Variants in TLK2 observed in about 807,000 individuals in gnomAD.
The protein encoded by TLK2 is tousled like kinase 2, also known as serine/threonine-protein kinase tousled-like 2.
In TLK2, 6 loss-of-function variants were observed where a neutral mutation model predicts 117.3. The observed-to-expected ratio is 0.05, with a 90% CI of 0.03 to 0.10. The LOEUF is 0.10. TLK2 is among the 10% of genes least tolerant of loss of function. The pLI is 1.00. For missense variants in TLK2, 299 were observed against 901.2 expected, an observed-to-expected ratio of 0.33 and a Z score of 8.56; for synonymous variants, 257 against 316.7, an observed-to-expected ratio of 0.81 and a Z score of 2.00.
intron 2 of TLK2, chr17:62,516,880 A>C: frequency 1.5e-6 from 1 of 686,278 alleles, no homozygotes. Flanking sequence ...TCCAACTTTC[A>C]TTTCATTTGC....
chr17:62,515,468 C>T (rs1317445919), intron 2 of TLK2, among the ~76,000 whole-genome samples: 1 of 152,196 alleles, frequency 6.6e-6, no homozygotes, highest in Non-Finnish European at 1.5e-5. Flanking sequence ...TACTCCAGAT[C>T]CTCACTAATA....
At chr17:62,563,759 ATTC>A (rs1417200042) in intron 10 of TLK2, among the ~76,000 whole-genome samples, 1 of 152,214 alleles carries the variant, frequency 6.6e-6, no homozygotes, top group African/African-American at 2.4e-5. Flanking sequence ...TATACTTAAC[ATTC>A]TTACAGTTCA....
In TLK2 at chr17:62,606,142, A is replaced by G. The variant is rs8078132; in HGVS notation, c.1872A>G (p.Pro624=). ...QGAGTYWYLP[P]ECFVVGKEPP... ...TTTTTTGTCCCAGGTATTTACCACCAGAGTGTTTTGTGGTTGGGAAAGAAC... is the reference window on the plus strand; with the variant it reads ...TTTTTTGTCCCAGGTATTTACCACCGGAGTGTTTTGTGGTTGGGAAAGAAC... The change falls in exon 20 of 22, where the codon CCA becomes CCG. Residue 624 remains proline (P), a synonymous_variant. Transcript: ENST00000346027. 0.59 allele frequency: 890,697 copies of G among 1,521,476 alleles called. 268,262 individuals are homozygous for G. Among genetic ancestry groups the G allele is most frequent in the East Asian group, 0.81 (34,926 of 43,264 alleles). 94.2% of individuals were successfully genotyped at this position (1,521,476 alleles called of 1,614,324 possible).
intron 2 of TLK2, chr17:62,516,795 G>A (rs1202186029): frequency 1.4e-6 from 2 of 1,385,200 alleles, no homozygotes; most frequent in Non-Finnish European, 2.0e-6. Flanking sequence ...CCGGGGCCGG[G>A]GCTGGAAAGC....
chr17:62,506,278 G>A (rs1354332769), intron 2 of TLK2, among the ~76,000 whole-genome samples: 4 of 152,212 alleles, frequency 2.6e-5, no homozygotes, highest in African/African-American at 7.2e-5. Flanking sequence ...GTGCTAGGAC[G>A]TGTGTGTATG....
chr17:62,583,672 G>A (rs1598748460), intron 15 of TLK2, among the ~76,000 whole-genome samples: 1 of 152,096 alleles, frequency 6.6e-6, no homozygotes, highest in Non-Finnish European at 1.5e-5. Flanking sequence ...CTGCCTCCCG[G>A]GTTCAAGTGA....
intron 8 of TLK2, chr17:62,553,431 C>G: frequency 2.2e-6 from 1 of 463,210 alleles, no homozygotes; most frequent in Non-Finnish European, 4.0e-6. Context: ...ACATTTGATT[C>G]CAGAATTAAC....
At chr17:62,546,391 A>T in intron 7 of TLK2, among the ~76,000 whole-genome samples, 1 of 76,498 alleles carries the variant, frequency 1.3e-5, no homozygotes, top group Non-Finnish European at 2.6e-5. Flanking sequence ...TATTTCAGAG[A>T]AATTTTGTTT....
chr17:62,478,290 C>G (rs2071157132), upstream of TLK2, among the ~76,000 whole-genome samples: 1 of 151,506 alleles, frequency 6.6e-6, no homozygotes, highest in East Asian at 2.0e-4. Flanking sequence ...AAAGCCGCCG[C>G]ACTTCTCACC....
chr17:62,525,380 CAT>C (rs1352528664), intron 6 of TLK2, among the ~76,000 whole-genome samples: 3 of 151,872 alleles, frequency 2.0e-5, no homozygotes, highest in African/African-American at 7.3e-5. Context: ...CTTATGAAAA[CAT>C]AAGTTAAACT....
intron 2 of TLK2, among the ~76,000 whole-genome samples, chr17:62,516,032 C>T (rs1400206406): frequency 1.3e-5 from 2 of 152,040 alleles, no homozygotes; most frequent in Admixed American, 1.3e-4. Flanking sequence ...TCAAGTGATT[C>T]TCCTGCCTCA....
chr17:62,519,006 T>TC (rs1490507382), intron 2 of TLK2, among the ~76,000 whole-genome samples: 1 of 152,174 alleles, frequency 6.6e-6, no homozygotes, highest in Non-Finnish European at 1.5e-5. Flanking sequence ...CACCTCAGCC[T>TC]CCAAGTAGCT....
intron 7 of TLK2, among the ~76,000 whole-genome samples, chr17:62,541,588 A>G (rs377688890): frequency 8.3e-4 from 121 of 146,542 alleles, no homozygotes; most frequent in African/African-American, 9.8e-4. Context: ...ACATAATTCT[A>G]TGTTTTAACA....
intron 16 of TLK2, among the ~76,000 whole-genome samples, chr17:62,591,003 G>C (rs2082036127): frequency 6.6e-6 from 1 of 152,224 alleles, no homozygotes; most frequent in South Asian, 2.1e-4. Context: ...TGTGATCCCA[G>C]CACTTTGGGA....
chr17:62,573,399 A>G, intron 12 of TLK2, 32 bp downstream of exon 12: 1 of 1,602,074 alleles, frequency 6.2e-7, no homozygotes, highest in Non-Finnish European at 8.5e-7. Context: ...ACGCTGAGAC[A>G]CCACACCCTG....
At chr17:62,474,787 A>G (rs1046339306), upstream of TLK2, among the ~76,000 whole-genome samples, 71 of 150,664 alleles carry the variant, frequency 4.7e-4, no homozygotes, top group Non-Finnish European at 6.8e-4. Flanking sequence ...CGGCCTCCCA[A>G]TGTGCTGGGA....
At chr17:62,575,405 T>C (rs1354742824) in intron 12 of TLK2, among the ~76,000 whole-genome samples, 1 of 152,220 alleles carries the variant, frequency 6.6e-6, no homozygotes, top group East Asian at 1.9e-4. Context: ...GAGTAATAGA[T>C]ACAGGTATTT....
At chr17:62,551,716 A>T (rs2078478302) in intron 7 of TLK2, 1 of 152,680 alleles carries the variant, frequency 6.5e-6, no homozygotes, top group Non-Finnish European at 1.5e-5. Flanking sequence ...AAAGAAAAAA[A>T]AAAAAAAGTA....
At position 62,613,613 on chromosome 17, in the gene TLK2, T is replaced by G. The variant is rs933203098; in HGVS notation, c.*1048T>G. ...CTACCCATAGTCTTTGTGTGCTTGC[T>G]AAATGGTGTACATTTCTTGTTAACC... On this transcript the variant is annotated 3_prime_UTR_variant, in exon 22 of 22. Transcript: ENST00000346027. 6.6e-6 allele frequency: 1 copy of G among 152,408 alleles called. No individual in the cohort carries two copies. The highest frequency in any genetic ancestry group is 1.9e-4 in the East Asian group (1 of 5,198). 9.4% of individuals were successfully genotyped at this position (152,408 alleles called of 1,614,324 possible).
Sources: allele counts gnomAD v4.1 joint callset (sites outside exome capture counted in the v4.1 genomes callset), GRCh38; gene constraint gnomAD v4.1.1; transcripts MANE v1.5; gene names NCBI Gene and HGNC (gene_info 2026-07-23, HGNC 2026-07-21).